Variants in VSTM4 observed in about 807,000 individuals in gnomAD.
VSTM4 encodes V-set and transmembrane domain-containing protein 4.
Under a neutral mutation model 36.4 loss-of-function variants are expected in VSTM4, and 20 were observed. That is an observed-to-expected ratio of 0.55 (90% CI 0.39 to 0.80). The LOEUF (loss-of-function observed/expected upper bound fraction) is 0.80, where lower values mean the gene tolerates loss of function less well. Among genes scored for constraint, VSTM4 ranks in the 30% least tolerant of loss-of-function variants. The probability of loss-of-function intolerance (pLI) is 0.00; values close to 1 mark genes in which losing one functional copy is unlikely to be tolerated. For missense variants in VSTM4, 392 were observed against 404.5 expected (o/e 0.97, Z 0.26); for synonymous variants, 182 against 173.9 (o/e 1.05, Z -0.37).
chr10:49,110,420 G>A (rs977074288), intron 1 of VSTM4, among the ~76,000 whole-genome samples: 3 of 152,128 alleles, frequency 2.0e-5, no homozygotes, highest in African/African-American at 7.2e-5. Flanking sequence ...CTTCCAGGAT[G>A]AACCCTCTTT....
rs542382775 is a variant in VSTM4 at position 49,018,374 on chromosome 10, G to A, written c.*1276C>T. On this transcript the variant is annotated 3_prime_UTR_variant, in exon 8 of 8. Transcript: ENST00000332853. The stretch of plus-strand genomic sequence containing the variant: ...TCGTCTTTACACAAACATGGAGTCT[G>A]AGGTCATTAGGGGATAAGAAATTTA... The A allele has an allele frequency of 3.5e-4, 54 of 152,300 alleles. No individual in the cohort carries two copies. The highest frequency in any genetic ancestry group is 1.3e-3 in the African/African-American group (52 of 41,566). The allele number at this position is 152,300 out of a possible 1,614,324, so 9.4% of individuals were successfully genotyped here. A position where few individuals can be genotyped will look rare whatever the true frequency, so the allele number is the denominator to read the frequency against.
At chr10:49,043,084 T>C (rs1843546180) in intron 7 of VSTM4, among the ~76,000 whole-genome samples, 1 of 152,140 alleles carries the variant, frequency 6.6e-6, no homozygotes, top group South Asian at 2.1e-4. Flanking sequence ...ATAAAAATCA[T>C]GTCAAAGAAG....
chr10:49,047,664 TC>T (rs1382527386), intron 6 of VSTM4, among the ~76,000 whole-genome samples: 1 of 152,084 alleles, frequency 6.6e-6, no homozygotes, highest in Non-Finnish European at 1.5e-5. Context: ...TCTACTCCCT[TC>T]CCTCCCAGGT....
chr10:49,028,991 C>G (rs538868449), intron 7 of VSTM4, among the ~76,000 whole-genome samples: 2 of 152,356 alleles, frequency 1.3e-5, no homozygotes, highest in South Asian at 4.1e-4. Flanking sequence ...GATAAGTGCT[C>G]ATTTTTTATT....
intron 2 of VSTM4, among the ~76,000 whole-genome samples, chr10:49,096,953 A>G (rs6537497): frequency 0.5 from 76,273 of 151,762 alleles, 20,976 homozygotes; most frequent in African/African-American, 0.75. Flanking sequence ...GTGCCCAGAC[A>G]AAGATCATGT....
chr10:49,082,481 T>C (rs1452832581), intron 3 of VSTM4, among the ~76,000 whole-genome samples: 5 of 152,154 alleles, frequency 3.3e-5, no homozygotes, highest in Non-Finnish European at 7.4e-5. Flanking sequence ...CTTGTCAACA[T>C]GGTGAAACAA....
intron 2 of VSTM4, among the ~76,000 whole-genome samples, chr10:49,087,992 G>GTAATATATGTA: frequency 7.3e-6 from 1 of 137,778 alleles, no homozygotes; most frequent in African/African-American, 3.2e-5. Context: ...ATATATATGT[G>GTAATATATGTA]TATATACACA....
chr10:49,096,163 C>A (rs1316530504), intron 2 of VSTM4, among the ~76,000 whole-genome samples: 1 of 152,174 alleles, frequency 6.6e-6, no homozygotes, highest in Non-Finnish European at 1.5e-5. Flanking sequence ...TTCCATGTCT[C>A]CCGAGAAAAA....
chr10:49,041,308 T>G (rs1048074407), intron 7 of VSTM4, among the ~76,000 whole-genome samples: 2 of 152,256 alleles, frequency 1.3e-5, no homozygotes, highest in African/African-American at 4.8e-5. Flanking sequence ...TTGACCTTGC[T>G]TCTGGAAAAT....
At chr10:49,062,528 C>T (rs753784249) in intron 5 of VSTM4, among the ~76,000 whole-genome samples, 38 of 152,346 alleles carry the variant, frequency 2.5e-4, no homozygotes, top group Admixed American at 7.2e-4. Context: ...AGCAGAAATG[C>T]ACTGTCATTC....
At chr10:49,112,549 A>C (rs191770149) in intron 1 of VSTM4, among the ~76,000 whole-genome samples, 1 of 152,372 alleles carries the variant, frequency 6.6e-6, no homozygotes, top group East Asian at 1.9e-4. Flanking sequence ...CTTAAAATAC[A>C]GATAGAGTTT....
In VSTM4 at chr10:49,018,831, T is replaced by A. The variant is rs1009078615; in HGVS notation, c.*819A>T. On this transcript the variant is annotated 3_prime_UTR_variant, in exon 8 of 8. Transcript: ENST00000332853. The stretch of plus-strand genomic sequence containing the variant: ...CTTCAGGGGCTGAATCAGAGGTGAC[T>A]GAGCTTGGCACACAGTGAAGAGGCC... 1 of 152,248 alleles carries A rather than the reference T, an allele frequency of 6.6e-6. No individual in the cohort carries two copies. Among genetic ancestry groups the A allele is most frequent in the African/African-American group, 2.4e-5 (1 of 41,470 alleles). The allele number at this position is 152,248 out of a possible 1,614,324, so 9.4% of individuals were successfully genotyped here.
intron 6 of VSTM4, 90 bp downstream of exon 6, chr10:49,048,388 G>A (rs548515661): frequency 2.6e-5 from 30 of 1,165,612 alleles, no homozygotes; most frequent in South Asian, 1.6e-4. Flanking sequence ...ATCTGCCTAC[G>A]CTCCCTGTCA....
chr10:49,035,594 G>A (rs2131945853), intron 7 of VSTM4, among the ~76,000 whole-genome samples: 1 of 150,486 alleles, frequency 6.6e-6, no homozygotes, highest in African/African-American at 2.5e-5. Flanking sequence ...AGCACTTTGG[G>A]AGGCCAAAGT....
At chr10:49,024,407 G>T (rs1415959516) in intron 7 of VSTM4, among the ~76,000 whole-genome samples, 1 of 152,158 alleles carries the variant, frequency 6.6e-6, no homozygotes, top group Non-Finnish European at 1.5e-5. Flanking sequence ...TCAAAGGAAG[G>T]CTGCAATAAA....
rs1334036100 is a variant in VSTM4 at position 49,111,742 on chromosome 10, A to G, written c.55+3689T>C. 3.3e-5 allele frequency among the ~76,000 whole-genome samples: 5 copies of G among 152,202 alleles called. No individual in the cohort carries two copies. The East Asian group carries it at 9.6e-4, about 29-fold the overall frequency. ...CAGGCATGTTGTGAAGAAGAAAACAACATTCCTGACCTTGTGCAGTGGACA... is the reference window on the plus strand; with the variant it reads ...CAGGCATGTTGTGAAGAAGAAAACAGCATTCCTGACCTTGTGCAGTGGACA... On this transcript the variant is annotated intron_variant, in intron 1 of 7. Transcript: ENST00000332853.
intron 2 of VSTM4, among the ~76,000 whole-genome samples, chr10:49,101,163 A>G (rs1844658770): frequency 6.6e-6 from 1 of 152,188 alleles, no homozygotes; most frequent in South Asian, 2.1e-4. Flanking sequence ...TGTACAATGT[A>G]TTGAATGTAA....
chr10:49,048,538 G>T lies in VSTM4; in HGVS notation c.715C>A (p.Pro239Thr). 6.3e-7 allele frequency: 1 copy of T among 1,598,668 alleles called. No individual in the cohort carries two copies. The highest frequency in any genetic ancestry group is 1.7e-5 in the Admixed American group (1 of 57,266). Residue 239 changes from proline to threonine, a missense_variant, in exon 6 of 8, where the codon CCC (proline) becomes ACC (threonine). Pro to Thr is a conservative substitution (Grantham distance 38). Coordinates refer to ENST00000332853, the MANE Select transcript of VSTM4 (RefSeq NM_001031746.5). Reference protein sequence around the residue: ...TSVTSLAPLQPKKGKRQKEKP... With the variant: ...TSVTSLAPLQTKKGKRQKEKP... ...TCCTTCTGCCTCTTGCCCTTCTTGG[G>T]CTGTAGTGGGGCCAAGCTGGTCACG...
chr10:49,058,937 G>T (rs4293050), intron 5 of VSTM4, among the ~76,000 whole-genome samples: 12,565 of 152,254 alleles, frequency 0.083, 810 homozygotes, highest in East Asian at 0.21. Flanking sequence ...GGCCCCATTT[G>T]CCCATGGCAG....
Sources: allele counts gnomAD v4.1 joint callset (sites outside exome capture counted in the v4.1 genomes callset), GRCh38; gene constraint gnomAD v4.1.1; transcripts MANE v1.5; gene names NCBI Gene and HGNC (gene_info 2026-07-23, HGNC 2026-07-21).